MORN5: variants seen among roughly 807,000 people sequenced by gnomAD.
MORN5 encodes MORN repeat containing 5.
MORN5 carries 21 observed loss-of-function variants against 22.1 expected under a neutral mutation model. That is an observed-to-expected ratio of 0.95 (90% CI 0.67 to 1.37). The LOEUF is 1.37. Ranked by LOEUF, MORN5 falls within the 40% of genes most tolerant of loss-of-function variation. The pLI, the probability that MORN5 is intolerant of heterozygous loss-of-function variation, is 0.00. For synonymous variants in MORN5, 73 were observed against 74.0 expected (o/e 0.99, Z 0.07); for missense variants, 211 against 215.1 (o/e 0.98, Z 0.12).
intron 4 of MORN5, chr9:122,175,730 T>A (rs1244318640): frequency 1.0e-5 from 10 of 980,932 alleles, no homozygotes; most frequent in Non-Finnish European, 9.7e-6. Flanking sequence ...CCAGAACATC[T>A]GTGCTGGTGA....
At position 122,166,900 on chromosome 9, in the gene MORN5, C is replaced by T. The variant is rs372895024; in HGVS notation, c.180C>T (p.Asn60=). Residue 60 remains asparagine, a synonymous_variant, in exon 2 of 5, where the codon AAC becomes AAT. Transcript: ENST00000373764. Reference sequence around the variant, plus strand: ...GCCAATACGACGCCATTTGGGAAAACGGATTGGCCATAAAGGTGATCAGCT... The same window carrying T: ...GCCAATACGACGCCATTTGGGAAAATGGATTGGCCATAAAGGTGATCAGCT... ...SGSQYDAIWE[N]GLAIKGTYTF... The T allele has an allele frequency of 1.3e-5, 21 of 1,613,428 alleles. No individual in the cohort carries two copies. Among genetic ancestry groups the T allele is most frequent in the Non-Finnish European group, 1.7e-5 (20 of 1,179,748 alleles).
intron 3 of MORN5, 79 bp from the exon 4 acceptor site, chr9:122,174,417 C>A: frequency 6.5e-7 from 1 of 1,528,954 alleles, no homozygotes; most frequent in Non-Finnish European, 8.9e-7. Flanking sequence ...GAGCCACCAG[C>A]CACAAGTGGA....
intron 1 of MORN5, among the ~76,000 whole-genome samples, chr9:122,165,721 G>A (rs1330473250): frequency 6.6e-6 from 1 of 152,192 alleles, no homozygotes; most frequent in African/African-American, 2.4e-5. Flanking sequence ...CCACTAGACT[G>A]TGAGCCCCCC....
chr9:122,194,467 A>G (rs1829841306), intron 4 of MORN5, among the ~76,000 whole-genome samples: 1 of 152,180 alleles, frequency 6.6e-6, no homozygotes, highest in Non-Finnish European at 1.5e-5. Flanking sequence ...AGATGGGGTG[A>G]CTGTGAGTGG....
At chr9:122,166,280 T>TTATATATATATATATATA (rs145965768) in intron 1 of MORN5, among the ~76,000 whole-genome samples, 1 of 149,748 alleles carries the variant, frequency 6.7e-6, no homozygotes, top group African/African-American at 2.5e-5. Context: ...GTATCCAAGA[T>TTATATATATATATATATA]TATATATATA....
chr9:122,182,067 C>G (rs1040312440), intron 4 of MORN5, among the ~76,000 whole-genome samples: 1 of 152,174 alleles, frequency 6.6e-6, no homozygotes, highest in Non-Finnish European at 1.5e-5. Flanking sequence ...AAATGAGGTG[C>G]TGCTGAAACT....
chr9:122,177,704 A>AT (rs1400994168), intron 4 of MORN5, among the ~76,000 whole-genome samples: 1 of 152,214 alleles, frequency 6.6e-6, no homozygotes, highest in African/African-American at 2.4e-5. Flanking sequence ...AAGTGCTGGA[A>AT]TTACCTGACA....
At chr9:122,190,890 T>C (rs1475418092) in intron 4 of MORN5, among the ~76,000 whole-genome samples, 5 of 152,276 alleles carry the variant, frequency 3.3e-5, no homozygotes, top group Non-Finnish European at 7.3e-5. Context: ...TCACGTAGGC[T>C]GCATTTGCAC....
At chr9:122,166,574 A>T (rs527924899) in intron 1 of MORN5, among the ~76,000 whole-genome samples, 194 bp from the exon 2 acceptor site, 1 of 152,266 alleles carries the variant, frequency 6.6e-6, no homozygotes, top group East Asian at 1.9e-4. Flanking sequence ...GAATGAACAG[A>T]GCAAACTCTA....
intron 2 of MORN5, among the ~76,000 whole-genome samples, chr9:122,169,172 T>C (rs1489096148): frequency 1.3e-5 from 2 of 152,124 alleles, no homozygotes; most frequent in East Asian, 3.8e-4. Context: ...AGCCCACCGA[T>C]TAAAATGTGA....
intron 4 of MORN5, among the ~76,000 whole-genome samples, chr9:122,183,224 A>G (rs1055501761): frequency 6.6e-6 from 1 of 152,240 alleles, no homozygotes; most frequent in African/African-American, 2.4e-5. Context: ...GGCCTTTACC[A>G]TGATGGGAAA....
chr9:122,178,195 TAAAAC>T (rs1240703116), intron 4 of MORN5, among the ~76,000 whole-genome samples: 1 of 151,976 alleles, frequency 6.6e-6, no homozygotes, highest in Non-Finnish European at 1.5e-5. Context: ...CCTTATCTCT[TAAAAC>T]AAAACAGACC....
At chr9:122,186,296 C>T (rs896373705) in intron 4 of MORN5, among the ~76,000 whole-genome samples, 1 of 152,142 alleles carries the variant, frequency 6.6e-6, no homozygotes, top group East Asian at 1.9e-4. Flanking sequence ...AATCAAGCAG[C>T]TAGTAAAGGG....
intron 3 of MORN5, among the ~76,000 whole-genome samples, chr9:122,171,721 C>T (rs982193119): frequency 4.6e-5 from 7 of 152,088 alleles, no homozygotes; most frequent in Admixed American, 3.9e-4. Flanking sequence ...CTTCCCCTGC[C>T]CCCTAAGTGC....
Position 122,159,929 on chromosome 9 carries a change from C to T in MORN5, c.-44C>T, listed in dbSNP as rs753631690. 1 of 1,600,838 alleles carries T rather than the reference C, an allele frequency of 6.2e-7. No homozygotes were observed. Among genetic ancestry groups the T allele is most frequent in the Non-Finnish European group, 8.6e-7 (1 of 1,167,882 alleles). On this transcript the variant is annotated 5_prime_UTR_variant, in exon 1 of 5. Coordinates refer to ENST00000373764, the MANE Select transcript of MORN5 (RefSeq NM_198469.4). The stretch of plus-strand genomic sequence containing the variant: ...GGTTGTCATAGTGATGCCGTATCCA[C>T]TGAGACTCCGGATCCTAACAGCTGG...
intron 4 of MORN5, among the ~76,000 whole-genome samples, chr9:122,181,184 A>G (rs1048359425): frequency 4.6e-5 from 7 of 152,186 alleles, no homozygotes; most frequent in Admixed American, 6.5e-5. Context: ...GGTTGGTCCA[A>G]TTCTTGAAGC....
chr9:122,184,547 G>A (rs113878423), intron 4 of MORN5, among the ~76,000 whole-genome samples: 1,740 of 152,224 alleles, frequency 0.011, 38 homozygotes, highest in African/African-American at 0.037. Flanking sequence ...AAATGGCAGC[G>A]AAGAACTAGA....
chr9:122,195,791 G>A (rs1829874256), intron 4 of MORN5, among the ~76,000 whole-genome samples: 1 of 152,060 alleles, frequency 6.6e-6, no homozygotes, highest in East Asian at 1.9e-4. Context: ...TCAGAAGTGG[G>A]GATTTTTGCT....
At chr9:122,164,769 T>A in intron 1 of MORN5, 12 of 181,234 alleles carry the variant, frequency 6.6e-5, no homozygotes, top group Non-Finnish European at 1.1e-4. Flanking sequence ...GAAGAGGAAT[T>A]CTCCCTTCCC....
Sources: gnomAD v4.1 joint callset for allele counts (sites outside exome capture counted in the v4.1 genomes callset) on GRCh38, gnomAD v4.1.1 for gene constraint, MANE v1.5 for transcripts, NCBI Gene and HGNC (gene_info 2026-07-23, HGNC 2026-07-21) for gene names.